ZNF230: variants seen among roughly 807,000 people sequenced by gnomAD.
ZNF230 encodes the protein zinc finger protein 230, also known as zinc finger protein FDZF2.
In ZNF230, 12 loss-of-function variants were observed where a neutral mutation model predicts 10.0. The observed-to-expected ratio is 1.20, with a 90% CI of 0.77 to 1.95. The LOEUF is 1.95. ZNF230 is among the 30% of genes most tolerant of loss of function. ZNF230 has a pLI of 0.00. For synonymous variants in ZNF230, 174 were observed against 193.6 expected (o/e 0.90, Z 0.84); for missense variants, 532 against 565.8 (o/e 0.94, Z 0.61).
chr19:44,004,189 C>T (rs919780516), intron 1 of ZNF230: 1 of 152,172 alleles, frequency 6.6e-6, no homozygotes, highest in Non-Finnish European at 1.5e-5. Flanking sequence ...GTATTTCGTA[C>T]TGTTGTGGAA....
At chr19:44,009,351 C>T (rs777295379) in intron 4 of ZNF230, 181 bp downstream of exon 4, 45 of 664,038 alleles carry the variant, frequency 6.8e-5, no homozygotes, top group Non-Finnish European at 9.9e-5. Context: ...TATTTTCCCC[C>T]GAGCAGCCAA....
In ZNF230 at chr19:44,008,087, A is replaced by C. The variant is rs538344010; in HGVS notation, c.16-703A>C. ...CTAGAGTGGGTGGAGTCACGACTGC[A>C]CTTGCCCCATTTGCACCATAGCTGA... is the stretch of plus-strand genomic sequence containing the variant. On this transcript the variant is annotated intron_variant, in intron 2 of 4. Coordinates refer to ENST00000429154, the MANE Select transcript of ZNF230 (RefSeq NM_006300.4). Among the ~76,000 whole-genome samples, 17 of 152,298 alleles carry C rather than the reference A, an allele frequency of 1.1e-4. No homozygotes were observed. In the East Asian group the frequency reaches 3.3e-3, roughly 29 times the overall value.
chr19:44,005,718 G>C (rs769366259), intron 1 of ZNF230, among the ~76,000 whole-genome samples: 10 of 151,956 alleles, frequency 6.6e-5, no homozygotes, highest in Non-Finnish European at 1.5e-4. Context: ...GTGACACCTT[G>C]TCTCTACTAA....
chr19:44,010,923 T>G lies in ZNF230; in HGVS notation c.884T>G (p.Leu295Arg), dbSNP rs1323975787. 1 of 1,614,080 alleles carries G rather than the reference T, an allele frequency of 6.2e-7. No individual in the cohort carries two copies. The highest frequency in any genetic ancestry group is 1.3e-5 in the African/African-American group (1 of 74,916). ...AAGAGCTTCTGCCTTAGGTCAAGTC[T>G]TAATAGGCATTGCATGGTCCACACA... ...CGKSFCLRSS[L>R]NRHCMVHTAE... Residue 295 changes from leucine to arginine, a missense_variant, in exon 5 of 5, where the codon CTT (leucine) becomes CGT (arginine). Physicochemically the swap from Leu to Arg is moderately radical, Grantham distance 102 (BLOSUM62 -2). Coordinates refer to ENST00000429154, the MANE Select transcript of ZNF230 (RefSeq NM_006300.4).
intron 1 of ZNF230, chr19:44,003,389 G>A (rs779206588): frequency 6.6e-6 from 1 of 152,162 alleles, no homozygotes; most frequent in Non-Finnish European, 1.5e-5. Flanking sequence ...TCGTTTTTGG[G>A]AACTGAAAGA....
chr19:44,007,223 C>T (rs1976131993), intron 2 of ZNF230, 130 bp downstream of exon 2: 4 of 797,036 alleles, frequency 5.0e-6, no homozygotes, highest in African/African-American at 1.8e-5. Context: ...CCAGTTGCTT[C>T]CTTTGTCTCT....
chr19:44,007,547 AT>A (rs1233695518), intron 2 of ZNF230, among the ~76,000 whole-genome samples: 2 of 152,036 alleles, frequency 1.3e-5, no homozygotes, highest in Non-Finnish European at 2.9e-5. Flanking sequence ...TGTTGGCTCC[AT>A]TTCTCTTAGA....
intron 2 of ZNF230, among the ~76,000 whole-genome samples, chr19:44,008,489 C>A (rs1378602894): frequency 6.6e-6 from 1 of 152,162 alleles, no homozygotes; most frequent in Admixed American, 6.5e-5. Flanking sequence ...GTTGCTGGGG[C>A]AACTGGGGCA....
chr19:44,010,073 A>G (rs1976160388), intron 4 of ZNF230, among the ~76,000 whole-genome samples, 196 bp from the exon 5 acceptor site: 1 of 152,250 alleles, frequency 6.6e-6, no homozygotes, highest in Non-Finnish European at 1.5e-5. Context: ...GGAGTCTGTT[A>G]TTTCCATCAA....
rs1042527287 is a variant in ZNF230 at position 44,009,003 on chromosome 19, G to T, written c.143-81G>T. 3 of 1,603,654 alleles carry T rather than the reference G, an allele frequency of 1.9e-6. No homozygotes were observed. The South Asian group carries it at 3.3e-5, about 18-fold the overall frequency. ...GTATTCAAGTTTGTGTATGCAGTGGGAACTTAAATTTCCAGTAAATTTTAC... is the reference window on the plus strand; with the variant it reads ...GTATTCAAGTTTGTGTATGCAGTGGTAACTTAAATTTCCAGTAAATTTTAC... On this transcript the variant is annotated intron_variant, in intron 3 of 4. Transcript: ENST00000429154.
chr19:44,011,323 G>T lies in ZNF230; in HGVS notation c.1284G>T (p.Arg428Ser). The T allele has an allele frequency of 6.2e-7, 1 of 1,614,114 alleles. No homozygotes were observed. Among genetic ancestry groups the T allele is most frequent in the Non-Finnish European group, 8.5e-7 (1 of 1,179,996 alleles). Residue 428 changes from arginine (R) to serine (S), a missense_variant, in exon 5 of 5, where the codon AGG becomes AGT. Coordinates refer to ENST00000429154, the MANE Select transcript of ZNF230 (RefSeq NM_006300.4). ...TCAAATGTGAGGATTGTGGAAAGAG[G>T]CTTGTACACCGGTCTTTCTGTAAAG... ...KPFKCEDCGKRLVHRSFCKDQ... is the reference protein window; with the variant it reads ...KPFKCEDCGKSLVHRSFCKDQ...
Position 44,011,295 on chromosome 19 carries a change from C to T in ZNF230, c.1256C>T (p.Pro419Leu), listed in dbSNP as rs1413712856. 3.7e-6 allele frequency: 6 copies of T among 1,613,990 alleles called. No individual in the cohort carries two copies. The African/African-American group carries it at 8.0e-5, about 22-fold the overall frequency. Residue 419 changes from proline to leucine, a missense_variant, in exon 5 of 5, where the codon CCC becomes CTC. Physicochemically the swap from Pro to Leu is moderately conservative, Grantham distance 98. Coordinates refer to ENST00000429154, the MANE Select transcript of ZNF230 (RefSeq NM_006300.4). ...AAGAAACTCCACTGCCGGAAAAAAC[C>T]CTTCAAATGTGAGGATTGTGGAAAG... ...NHKKLHCRKK[P>L]FKCEDCGKRL...
chr19:44,005,539 C>T (rs535260506), intron 1 of ZNF230, among the ~76,000 whole-genome samples: 1 of 152,246 alleles, frequency 6.6e-6, no homozygotes, highest in Admixed American at 6.5e-5. Context: ...TAGCATATTA[C>T]CTAACATCCT....
Position 44,007,001 on chromosome 19 carries a change from C to A in ZNF230, c.-68-10C>A. 7.7e-7 allele frequency: 1 copy of A among 1,291,294 alleles called. No individual in the cohort carries two copies. Among genetic ancestry groups the A allele is most frequent in the Non-Finnish European group, 1.1e-6 (1 of 900,028 alleles). 80.0% of individuals were successfully genotyped at this position (1,291,294 alleles called of 1,614,324 possible). Reference sequence around the variant, plus strand: ...CATGTCTCTCTTTTGCTGTCTCTGGCATTTTCCAGGCACAATTCCACCTTC... The same window carrying A: ...CATGTCTCTCTTTTGCTGTCTCTGGAATTTTCCAGGCACAATTCCACCTTC... On this transcript the variant is annotated splice_polypyrimidine_tract_variant and intron_variant, in intron 1 of 4. Transcript: ENST00000429154.
At chr19:44,003,296 T>C (rs1976087009) in intron 1 of ZNF230, 189 bp downstream of exon 1, 1 of 152,346 alleles carries the variant, frequency 6.6e-6, no homozygotes, top group Admixed American at 6.5e-5. Context: ...TTTCTCGCAG[T>C]GTGACGTGGA....
At position 44,011,523 on chromosome 19, in the gene ZNF230, G is replaced by T; in HGVS notation, c.*59G>T. Reference sequence around the variant, plus strand: ...TTAATATGTGTATATAATACGTAATGATCAAATTGATGTAATTAGTGTATT... The same window carrying T: ...TTAATATGTGTATATAATACGTAATTATCAAATTGATGTAATTAGTGTATT... On this transcript the variant is annotated 3_prime_UTR_variant, in exon 5 of 5. Coordinates refer to ENST00000429154, the MANE Select transcript of ZNF230 (RefSeq NM_006300.4). 7.0e-7 allele frequency: 1 copy of T among 1,428,514 alleles called. No individual in the cohort carries two copies. Among genetic ancestry groups the T allele is most frequent in the South Asian group, 1.3e-5 (1 of 75,420 alleles). 88.5% of individuals were successfully genotyped at this position (1,428,514 alleles called of 1,614,324 possible).
In ZNF230 at chr19:44,012,741, T is replaced by G. The variant is rs960690339; in HGVS notation, c.*1277T>G. 2.6e-5 allele frequency: 5 copies of G among 194,674 alleles called. No individual in the cohort carries two copies. Among genetic ancestry groups the G allele is most frequent in the South Asian group, 1.5e-4 (2 of 13,038 alleles). The allele number at this position is 194,674 out of a possible 1,614,324, so 12.1% of individuals were successfully genotyped here. ...GACTCAAAAGGAGAAAATATGATAT[T>G]TTAAAATTGCATCTAGGAGAGAAAA... On this transcript the variant is annotated 3_prime_UTR_variant, in exon 5 of 5. Transcript: ENST00000429154.
At chr19:44,009,519 C>T (rs767716331) in intron 4 of ZNF230, among the ~76,000 whole-genome samples, 1 of 152,174 alleles carries the variant, frequency 6.6e-6, no homozygotes, top group African/African-American at 2.4e-5. Flanking sequence ...TCTGTCCTCT[C>T]GCCCTTGCAT....
Position 44,012,802 on chromosome 19 carries a change from G to T in ZNF230, c.*1338G>T, listed in dbSNP as rs1048066071. 1 of 215,212 alleles carries T rather than the reference G, an allele frequency of 4.6e-6. No individual in the cohort carries two copies. The highest frequency in any genetic ancestry group is 9.3e-6 in the Non-Finnish European group (1 of 107,248). The allele number at this position is 215,212 out of a possible 1,614,324, so 13.3% of individuals were successfully genotyped here. ...ATAATTCAGGGACACGAGTTAAAAT[G>T]CAGAATACACTCAGTTCTGCAATCC... On this transcript the variant is annotated 3_prime_UTR_variant, in exon 5 of 5. Coordinates refer to ENST00000429154, the MANE Select transcript of ZNF230 (RefSeq NM_006300.4).
Sources: gnomAD v4.1 joint callset for allele counts (sites outside exome capture counted in the v4.1 genomes callset) on GRCh38, gnomAD v4.1.1 for gene constraint, MANE v1.5 for transcripts, NCBI Gene and HGNC (gene_info 2026-07-23, HGNC 2026-07-21) for gene names.